The following ZNF831 variants were observed in gnomAD, a reference collection of about 807,000 sequenced individuals.
ZNF831 encodes chromosome 20 open reading frame 174.
ZNF831 carries 59 observed loss-of-function variants against 95.8 expected under a neutral mutation model. The observed-to-expected ratio is 0.62, with a 90% CI of 0.50 to 0.77. The LOEUF is 0.77. Among genes scored for constraint, ZNF831 ranks in the 30% least tolerant of loss-of-function variants. The probability of loss-of-function intolerance (pLI) is 0.00; values close to 1 mark genes in which losing one functional copy is unlikely to be tolerated. For missense variants in ZNF831, 2,205 were observed against 2,164.0 expected, an observed-to-expected ratio of 1.02 and a Z score of -0.38; for synonymous variants, 961 against 925.5, an observed-to-expected ratio of 1.04 and a Z score of -0.70.
intron 3 of ZNF831, among the ~76,000 whole-genome samples, chr20:59,198,606 A>G (rs976929284): frequency 2.0e-5 from 3 of 152,244 alleles, no homozygotes; most frequent in African/African-American, 7.2e-5. Context: ...AATCACGACA[A>G]GAGCCCATGG....
chr20:59,182,915 C>T lies in ZNF831; in HGVS notation c.-36-8069C>T, dbSNP rs115332472. Among the ~76,000 whole-genome samples the T allele has an allele frequency of 5.3e-3, 804 of 152,304 alleles. 8 individuals are homozygous for T. The highest frequency in any genetic ancestry group is 0.018 in the African/African-American group (740 of 41,554). ...TCACCCTCAGAGACCCTTCCAGACC[C>T]TTCTAGAATCTGACAAAAGTTAGGG... On this transcript the variant is annotated intron_variant, in intron 1 of 5. Coordinates refer to ENST00000371030, the MANE Select transcript of ZNF831 (RefSeq NM_178457.3).
At chr20:59,209,366 G>C (rs1049075533) in intron 4 of ZNF831, among the ~76,000 whole-genome samples, 7 of 152,206 alleles carry the variant, frequency 4.6e-5, no homozygotes, top group African/African-American at 1.7e-4. Flanking sequence ...ATTAGTGTTG[G>C]GGGAGGAAGA....
rs748038835 is a variant in ZNF831 at position 59,194,158 on chromosome 20, G to T, written c.3139G>T (p.Ala1047Ser). 1.9e-6 allele frequency: 3 copies of T among 1,579,012 alleles called. No individual in the cohort carries two copies. Among genetic ancestry groups the T allele is most frequent in the South Asian group, 2.4e-5 (2 of 84,650 alleles). Reference sequence around the variant, plus strand: ...GGAGTTGCCCATCTCAGCACCAGGGGCTCCCAGGGAGGCTACCTCCTCCCC... The same window carrying T: ...GGAGTTGCCCATCTCAGCACCAGGGTCTCCCAGGGAGGCTACCTCCTCCCC... ...ARELPISAPG[A>S]PREATSSPPT... The change falls in exon 2 of 6, where the codon GCT becomes TCT. Residue 1047 changes from alanine to serine, a missense_variant. Physicochemically the swap from Ala to Ser is moderately conservative, Grantham distance 99. Transcript: ENST00000371030.
chr20:59,229,146 T>C (rs1986591954), intron 4 of ZNF831, among the ~76,000 whole-genome samples: 1 of 152,270 alleles, frequency 6.6e-6, no homozygotes, highest in Non-Finnish European at 1.5e-5. Flanking sequence ...TGTATTCCTT[T>C]TTAATGGCTG....
chr20:59,189,236 G>T (rs1343556443), intron 1 of ZNF831, among the ~76,000 whole-genome samples: 1 of 151,836 alleles, frequency 6.6e-6, no homozygotes, highest in Non-Finnish European at 1.5e-5. Flanking sequence ...ATCCAAAAAA[G>T]TCATGAGGTT....
intron 4 of ZNF831, among the ~76,000 whole-genome samples, chr20:59,220,076 T>C (rs907606667): frequency 2.6e-5 from 4 of 152,198 alleles, no homozygotes; most frequent in Non-Finnish European, 4.4e-5. Context: ...ATGGGGACGG[T>C]TCTGCTTTTG....
intron 1 of ZNF831, among the ~76,000 whole-genome samples, chr20:59,173,681 G>A (rs1981923587): frequency 6.6e-6 from 1 of 152,146 alleles, no homozygotes; most frequent in Admixed American, 6.5e-5. Flanking sequence ...GCTCAACACT[G>A]TGCTCACATC....
At position 59,191,550 on chromosome 20, in the gene ZNF831, C is replaced by T. The variant is rs760365017; in HGVS notation, c.531C>T (p.Cys177=). ...TGERPFPCAT[C]GIAFKTQSNL... ...AGAGGCCCTTCCCGTGTGCCACCTG[C>T]GGCATCGCCTTTAAGACCCAGAGCA... The change falls in exon 2 of 6, where the codon TGC becomes TGT. Residue 177 remains cysteine (C), a synonymous_variant. Coordinates refer to ENST00000371030, the MANE Select transcript of ZNF831 (RefSeq NM_178457.3). 11 of 1,612,912 alleles carry T rather than the reference C, an allele frequency of 6.8e-6. No homozygotes were observed. Among genetic ancestry groups the T allele is most frequent in the Middle Eastern group, 1.7e-4 (1 of 6,058 alleles).
rs548966248 is a variant in ZNF831 at position 59,194,607 on chromosome 20, G to A, written c.3588G>A (p.Ala1196=). The change falls in exon 2 of 6, where the codon GCG becomes GCA. Residue 1196 remains alanine (A), a synonymous_variant. Coordinates refer to ENST00000371030, the MANE Select transcript of ZNF831 (RefSeq NM_178457.3). ...TGAGCCGCAGTGTCCCTCTGCCCGC[G>A]GAGCAGAAGGCAAAGGCGGCATCTG... ...CCLSRSVPLP[A]EQKAKAASVY... 30 of 1,612,922 alleles carry A rather than the reference G, an allele frequency of 1.9e-5. No individual in the cohort carries two copies. Among genetic ancestry groups the A allele is most frequent in the East Asian group, 2.2e-5 (1 of 44,866 alleles).
At chr20:59,167,805 C>T (rs1177084649) in intron 1 of ZNF831, among the ~76,000 whole-genome samples, 1 of 151,952 alleles carries the variant, frequency 6.6e-6, no homozygotes, top group Non-Finnish European at 1.5e-5. Context: ...ACCCAGGAGG[C>T]AGAGGTTGCA....
At chr20:59,128,140 A>G (rs894648598) in intron 1 of ZNF831, among the ~76,000 whole-genome samples, 8 of 152,252 alleles carry the variant, frequency 5.3e-5, no homozygotes, top group African/African-American at 1.9e-4. Context: ...CACATAAATG[A>G]AAAGATGATC....
At chr20:59,200,684 T>C (rs1336887638) in intron 3 of ZNF831, among the ~76,000 whole-genome samples, 1 of 152,170 alleles carries the variant, frequency 6.6e-6, no homozygotes, top group Non-Finnish European at 1.5e-5. Flanking sequence ...TTCTGTCACA[T>C]AGGATAGTTT....
chr20:59,163,590 G>A (rs1240742730), upstream of ZNF831, among the ~76,000 whole-genome samples: 1 of 152,010 alleles, frequency 6.6e-6, no homozygotes, highest in Admixed American at 6.6e-5. Flanking sequence ...TCTTAAACTT[G>A]CCTGCACAGA....
intron 4 of ZNF831, among the ~76,000 whole-genome samples, chr20:59,212,637 G>A (rs1321310587): frequency 2.0e-5 from 3 of 152,180 alleles, no homozygotes; most frequent in Non-Finnish European, 4.4e-5. Flanking sequence ...CTGTCTCATT[G>A]AAGGGATTGG....
rs1322380441 is a variant in ZNF831 at position 59,191,407 on chromosome 20, C to A, written c.388C>A (p.Pro130Thr). 1.2e-6 allele frequency: 2 copies of A among 1,611,100 alleles called. No individual in the cohort carries two copies. Among genetic ancestry groups the A allele is most frequent in the Non-Finnish European group, 1.7e-6 (2 of 1,179,040 alleles). ...GCCTGTCCTGTCGCCGGGCCTGGGC[C>A]CCACGCTGGGCAGCCCAGGCAAGGT... ...TLPVLSPGLG[P>T]TLGSPGKVRN... Residue 130 changes from proline (P) to threonine (T), a missense_variant, in exon 2 of 6, where the codon CCC becomes ACC. Physicochemically the swap from Pro to Thr is conservative, Grantham distance 38. Transcript: ENST00000371030.
intron 1 of ZNF831, among the ~76,000 whole-genome samples, chr20:59,125,419 T>C (rs1305579824): frequency 6.6e-6 from 1 of 152,106 alleles, no homozygotes; most frequent in Non-Finnish European, 1.5e-5. Flanking sequence ...GGGGAGCTTG[T>C]GGGAAATGCA....
chr20:59,136,035 T>G (rs1318859618), intron 1 of ZNF831, among the ~76,000 whole-genome samples: 2 of 152,208 alleles, frequency 1.3e-5, no homozygotes, highest in African/African-American at 4.8e-5. Flanking sequence ...ACTTCCAAGC[T>G]TATTCAGCTT....
In ZNF831 at chr20:59,208,326, G is replaced by A. The variant is rs1985049546; in HGVS notation, c.4027+1270G>A. On this transcript the variant is annotated intron_variant, in intron 4 of 5. Coordinates refer to ENST00000371030, the MANE Select transcript of ZNF831 (RefSeq NM_178457.3). The surrounding 1 kb of genome is among the most constrained non-coding windows in gnomAD (Gnocchi z 4.2). ...CACGCCCCATGGAGGGCATCTCAGG[G>A]CTAAATGCTGGTCTGTACCACCAGG... Among the ~76,000 whole-genome samples the A allele has an allele frequency of 6.6e-6, 1 of 151,944 alleles. No homozygotes were observed. The highest frequency in any genetic ancestry group is 2.4e-5 in the African/African-American group (1 of 41,358).
At chr20:59,152,920 C>T (rs1980329138) in intron 2 of ZNF831, among the ~76,000 whole-genome samples, 1 of 152,140 alleles carries the variant, frequency 6.6e-6, no homozygotes, top group Non-Finnish European at 1.5e-5. Context: ...AGTGACGAGG[C>T]TACTACAAGG....
Sources: gnomAD v4.1 joint callset for allele counts (sites outside exome capture counted in the v4.1 genomes callset) on GRCh38, gnomAD v4.1.1 for gene constraint, Gnocchi (gnomAD v3.1) non-coding constraint, MANE v1.5 for transcripts, NCBI Gene and HGNC (gene_info 2026-07-23, HGNC 2026-07-21) for gene names.